The following DOCK10 variants were observed in gnomAD, a reference collection of about 807,000 sequenced individuals.
DOCK10 encodes dedicator of cytokinesis 10, also known as dedicator of cytokinesis protein 10.
DOCK10 carries 145 observed loss-of-function variants against 280.1 expected under a neutral mutation model. The ratio of observed to expected loss-of-function variants is 0.52; its 90% CI spans 0.45 to 0.59. The LOEUF is 0.59. DOCK10 is among the 20% of genes least tolerant of loss of function. The pLI is 0.00. For synonymous variants in DOCK10, 915 were observed against 942.2 expected (o/e 0.97, Z 0.53); for missense variants, 2,368 against 2,651.7 (o/e 0.89, Z 2.35).
chr2:224,961,413 T>TCTTC (rs1704394486), intron 1 of DOCK10, among the ~76,000 whole-genome samples: 1 of 5,832 alleles, frequency 1.7e-4, no homozygotes, highest in South Asian at 7.4e-3. Context: ...TCTTTCTTTC[T>TCTTC]CTTTCTTTCT....
In DOCK10 at chr2:224,970,036, T is replaced by C. The variant is rs1168950674; in HGVS notation, c.124-38368A>G. On this transcript the variant is annotated intron_variant, in intron 1 of 55. Coordinates refer to ENST00000258390, the MANE Select transcript of DOCK10 (RefSeq NM_014689.3). The surrounding 1 kb of genome is among the most constrained non-coding windows in gnomAD (Gnocchi z 4.6). ...GAATATCATTGGGTTCACTGGCTTTTTCACTGAGTCGTCTTTTTGAGCAAC... is the reference window on the plus strand; with the variant it reads ...GAATATCATTGGGTTCACTGGCTTTCTCACTGAGTCGTCTTTTTGAGCAAC... Among the ~76,000 whole-genome samples, 1 of 152,228 alleles carries C rather than the reference T, an allele frequency of 6.6e-6. No individual in the cohort carries two copies. Among genetic ancestry groups the C allele is most frequent in the Non-Finnish European group, 1.5e-5 (1 of 68,040 alleles).
intron 1 of DOCK10, among the ~76,000 whole-genome samples, chr2:225,007,678 G>A (rs369317766): frequency 3.3e-5 from 5 of 152,136 alleles, no homozygotes; most frequent in Admixed American, 1.3e-4. Context: ...TTTCATGGCA[G>A]TGATGAAACT....
intron 40 of DOCK10, 136 bp downstream of exon 40, chr2:224,801,780 G>A: frequency 1.0e-6 from 1 of 960,760 alleles, no homozygotes; most frequent in Non-Finnish European, 1.6e-6. Context: ...CCACTCCCTG[G>A]TGAGTCTTTC....
intron 4 of DOCK10, among the ~76,000 whole-genome samples, chr2:224,894,879 A>G (rs934998556): frequency 2.7e-5 from 4 of 150,668 alleles, no homozygotes; most frequent in African/African-American, 7.5e-5. Context: ...TCAAAGAGGT[A>G]AACCAGATCA....
chr2:225,035,569 TA>T (rs1233439713), intron 1 of DOCK10, among the ~76,000 whole-genome samples: 44 of 52,154 alleles, frequency 8.4e-4, no homozygotes, highest in Middle Eastern at 0.013. Context: ...TATATATATA[TA>T]TATATATATA....
intron 53 of DOCK10, among the ~76,000 whole-genome samples, chr2:224,771,698 G>A (rs1244026759): frequency 6.6e-6 from 1 of 152,210 alleles, no homozygotes; most frequent in East Asian, 1.9e-4. Flanking sequence ...TGTGGCAGAT[G>A]CAGTCACTGG....
intron 11 of DOCK10, among the ~76,000 whole-genome samples, chr2:224,871,394 T>A (rs1029375151): frequency 2.0e-5 from 3 of 152,108 alleles, no homozygotes; most frequent in African/African-American, 7.2e-5. Flanking sequence ...ACCAGTCCAA[T>A]CCACCCATTT....
intron 1 of DOCK10, among the ~76,000 whole-genome samples, chr2:224,940,567 A>C (rs1176521494): frequency 6.6e-6 from 1 of 152,162 alleles, no homozygotes; most frequent in Non-Finnish European, 1.5e-5. Context: ...TGAAAAGTAC[A>C]CCAGGTATCA....
At position 224,907,176 on chromosome 2, in the gene DOCK10, T is replaced by C. The variant is rs904914902; in HGVS notation, c.333+9519A>G. On this transcript the variant is annotated intron_variant, in intron 3 of 55. Coordinates refer to ENST00000258390, the MANE Select transcript of DOCK10 (RefSeq NM_014689.3). ...CTAATCTGATAATTAGGTAGGGGAATGAAGGGAGAAATTTAAGGGCTAAAA... is the reference window on the plus strand; with the variant it reads ...CTAATCTGATAATTAGGTAGGGGAACGAAGGGAGAAATTTAAGGGCTAAAA... Among the ~76,000 whole-genome samples the C allele has an allele frequency of 1.1e-4, 16 of 152,184 alleles. 1 individual carries two copies. The highest frequency in any genetic ancestry group is 9.8e-4 in the Admixed American group (15 of 15,276).
chr2:224,925,182 G>GAA (rs200954031), intron 2 of DOCK10, among the ~76,000 whole-genome samples: 13 of 146,634 alleles, frequency 8.9e-5, no homozygotes, highest in Non-Finnish European at 1.1e-4. Flanking sequence ...CTTTGTCTCA[G>GAA]AAAAAAAAAA....
chr2:224,876,063 G>T lies in DOCK10; in HGVS notation c.906C>A (p.Ser302Arg), dbSNP rs1467513825. ...SPEGPLQGRR[S>R]TELTDLGLDS... ...CCAGACCCAGATCAGTGAGCTCTGT[G>T]CTCCTCCTCCCTTGGAGGGGCCCCT... Residue 302 changes from serine (S) to arginine (R), a missense_variant, in exon 8 of 56, where the codon AGC becomes AGA. Physicochemically the swap from Ser to Arg is moderately radical, Grantham distance 110. Around this residue, in one of 2 missense-constraint regions of DOCK10, gnomAD observed 1,209 missense variants for 1,250.9 expected, o/e 0.97. Transcript: ENST00000258390. 1 of 1,613,530 alleles carries T rather than the reference G, an allele frequency of 6.2e-7. No homozygotes were observed. Among genetic ancestry groups the T allele is most frequent in the Non-Finnish European group, 8.5e-7 (1 of 1,179,770 alleles).
chr2:224,911,049 A>G (rs1033215910), intron 3 of DOCK10, among the ~76,000 whole-genome samples: 6 of 151,992 alleles, frequency 3.9e-5, no homozygotes, highest in African/African-American at 1.5e-4. Flanking sequence ...GTTGCCCAAG[A>G]GAGTTGAATG....
chr2:224,768,994 C>CAG (rs1467882004), intron 55 of DOCK10: 1 of 450,382 alleles, frequency 2.2e-6, no homozygotes, highest in Non-Finnish European at 4.4e-6. Flanking sequence ...GTTTCTAGGT[C>CAG]AGATGTGATT....
intron 31 of DOCK10, among the ~76,000 whole-genome samples, chr2:224,812,119 C>T (rs1016517417): frequency 6.6e-6 from 1 of 152,154 alleles, no homozygotes; most frequent in Non-Finnish European, 1.5e-5. Context: ...TACCCATGAG[C>T]ATGGAATGTT....
intron 26 of DOCK10, among the ~76,000 whole-genome samples, chr2:224,832,252 A>T (rs11681888): frequency 0.41 from 63,069 of 152,062 alleles, 16,539 homozygotes; most frequent in African/African-American, 0.75. Context: ...GAACTTCATA[A>T]GAATGGAACT....
At chr2:224,782,682 C>T (rs988839020) in intron 50 of DOCK10, among the ~76,000 whole-genome samples, 1 of 152,212 alleles carries the variant, frequency 6.6e-6, no homozygotes, top group African/African-American at 2.4e-5. Flanking sequence ...ATTACAGACA[C>T]AATTAGTATT....
intron 3 of DOCK10, among the ~76,000 whole-genome samples, chr2:224,906,718 A>T (rs1031381951): frequency 6.6e-6 from 1 of 152,168 alleles, no homozygotes; most frequent in African/African-American, 2.4e-5. Flanking sequence ...TGACCTGGTG[A>T]TCCGCCCGCC....
intron 17 of DOCK10, among the ~76,000 whole-genome samples, 170 bp downstream of exon 17, chr2:224,852,765 C>T (rs1350365350): frequency 6.6e-6 from 1 of 152,194 alleles, no homozygotes; most frequent in East Asian, 1.9e-4. Flanking sequence ...CATCCTTAAA[C>T]ACTTCTAAGA....
At chr2:224,779,450 A>T (rs1287314263) in intron 50 of DOCK10, among the ~76,000 whole-genome samples, 1 of 152,078 alleles carries the variant, frequency 6.6e-6, no homozygotes, top group Non-Finnish European at 1.5e-5. Flanking sequence ...TCTTGACCTC[A>T]GATGATCCAC....
Sources: gnomAD v4.1 joint callset for allele counts (sites outside exome capture counted in the v4.1 genomes callset) on GRCh38, gnomAD v4.1.1 for gene constraint, gnomAD v4.1.1 regional missense constraint, Gnocchi (gnomAD v3.1) non-coding constraint, MANE v1.5 for transcripts, NCBI Gene and HGNC (gene_info 2026-07-23, HGNC 2026-07-21) for gene names.